The following SLC44A1 variants were observed in gnomAD, a reference collection of about 807,000 sequenced individuals.
SLC44A1 encodes the protein solute carrier family 44 member 1.
Under a neutral mutation model 79.3 loss-of-function variants are expected in SLC44A1, and 26 were observed. The ratio of observed to expected loss-of-function variants is 0.33; its 90% confidence interval spans 0.24 to 0.46. SLC44A1 has a LOEUF of 0.46. Among genes scored for constraint, SLC44A1 ranks in the 20% least tolerant of loss-of-function variants. The probability of loss-of-function intolerance (pLI) is 1.00; values close to 1 mark genes in which losing one functional copy is unlikely to be tolerated. For missense variants in SLC44A1, 688 were observed against 798.1 expected, an observed-to-expected ratio of 0.86 and a Z score of 1.66; for synonymous variants, 263 against 286.2, an observed-to-expected ratio of 0.92 and a Z score of 0.82.
At chr9:105,350,812 A>G (rs1827382034) in intron 5 of SLC44A1, among the ~76,000 whole-genome samples, 1 of 152,214 alleles carries the variant, frequency 6.6e-6, no homozygotes, top group Non-Finnish European at 1.5e-5. Flanking sequence ...GTATTTCTTT[A>G]AACTTCTAGA....
rs1366983820 is a variant in SLC44A1 at position 105,244,739 on chromosome 9, A to AGCC, written c.-117_-115dup. On this transcript the variant is annotated 5_prime_UTR_variant, in exon 1 of 16. Coordinates refer to ENST00000374720, the MANE Select transcript of SLC44A1 (RefSeq NM_080546.5). ...CCTCTTGAGTACCAGCCGCCGCTGC[A>AGCC]GCCGCCGCCGCCGCCTAGCCGTGCG... The AGCC allele has an allele frequency of 1.0e-5, 4 of 398,338 alleles. No individual in the cohort carries two copies. The highest frequency in any genetic ancestry group is 4.3e-5 in the African/African-American group (2 of 46,134). 24.7% of individuals were successfully genotyped at this position (398,338 alleles called of 1,614,324 possible).
chr9:105,386,344 T>C lies in SLC44A1; in HGVS notation c.1950+842T>C. 3.2e-6 allele frequency: 3 copies of C among 942,464 alleles called. No individual in the cohort carries two copies. The East Asian group carries it at 3.5e-4, about 109-fold the overall frequency. 58.4% of individuals were successfully genotyped at this position (942,464 alleles called of 1,614,324 possible). On this transcript the variant is annotated intron_variant, in intron 15 of 15. Coordinates refer to ENST00000374720, the MANE Select transcript of SLC44A1 (RefSeq NM_080546.5). ...CGTATTTTTTTAAATAGCATGTTTATTTTCAAATATTATATAATTGTCTGC... is the reference window on the plus strand; with the variant it reads ...CGTATTTTTTTAAATAGCATGTTTACTTTCAAATATTATATAATTGTCTGC...
intron 8 of SLC44A1, among the ~76,000 whole-genome samples, chr9:105,362,216 C>T (rs1827804974): frequency 6.6e-6 from 1 of 152,136 alleles, no homozygotes; most frequent in Non-Finnish European, 1.5e-5. Context: ...CAGTCTACTT[C>T]TAAGAGCAAT....
intron 1 of SLC44A1, among the ~76,000 whole-genome samples, 197 bp from the exon 2 acceptor site, chr9:105,299,023 G>A (rs1274601104): frequency 1.3e-5 from 2 of 152,136 alleles, no homozygotes; most frequent in Non-Finnish European, 2.9e-5. Flanking sequence ...GGTGGGAGTA[G>A]GGCCAGTGGA....
At chr9:105,383,086 A>G in intron 13 of SLC44A1, 37 bp from the exon 14 acceptor site, 1 of 1,434,382 alleles carries the variant, frequency 7.0e-7, no homozygotes, top group African/African-American at 1.4e-5. Flanking sequence ...TTTCTTCAGT[A>G]GGATATTAAA....
chr9:105,378,367 C>T (rs1828359668), intron 13 of SLC44A1, among the ~76,000 whole-genome samples: 1 of 152,228 alleles, frequency 6.6e-6, no homozygotes, highest in Admixed American at 6.5e-5. Context: ...GGTTATACAA[C>T]TGTTGTGTCA....
chr9:105,370,139 A>G (rs986474809), intron 12 of SLC44A1, among the ~76,000 whole-genome samples: 4 of 152,268 alleles, frequency 2.6e-5, no homozygotes, highest in Non-Finnish European at 4.4e-5. Flanking sequence ...AAGAAGTCTG[A>G]AGAAAGCTCA....
chr9:105,305,190 A>G (rs10991614), intron 2 of SLC44A1, among the ~76,000 whole-genome samples: 32,653 of 150,986 alleles, frequency 0.22, 6,289 homozygotes, highest in African/African-American at 0.52. Flanking sequence ...AGCTGGTCTC[A>G]AACTCCTGGC....
Position 105,396,139 on chromosome 9 carries a change from TAC to T in SLC44A1, c.*7084_*7085del. 2.0e-6 allele frequency: 2 copies of T among 985,414 alleles called. No homozygotes were observed. Among genetic ancestry groups the T allele is most frequent in the Non-Finnish European group, 1.2e-6 (1 of 829,914 alleles). The allele number at this position is 985,414 out of a possible 1,614,324, so 61.0% of individuals were successfully genotyped here. A position where few individuals can be genotyped will look rare whatever the true frequency, so the allele number is the denominator to read the frequency against. On this transcript the variant is annotated 3_prime_UTR_variant, in exon 16 of 16. Transcript: ENST00000374720. Reference sequence around the variant, plus strand: ...TTCTTCTGCTGTGTTGCCTTAATGCTACTAGATTGTGTTGTGTTGTTGGAGTT... The same window carrying T: ...TTCTTCTGCTGTGTTGCCTTAATGCTTAGATTGTGTTGTGTTGTTGGAGTT...
intron 2 of SLC44A1, among the ~76,000 whole-genome samples, chr9:105,305,361 A>T (rs1301458571): frequency 1.3e-5 from 2 of 151,990 alleles, no homozygotes; most frequent in Non-Finnish European, 2.9e-5. Context: ...ACAGATTGAT[A>T]CAAGTTTATA....
chr9:105,419,717 C>G (rs535028693), intron 15 of SLC44A1, among the ~76,000 whole-genome samples: 1 of 152,114 alleles, frequency 6.6e-6, no homozygotes, highest in Non-Finnish European at 1.5e-5. Context: ...GAGTTCGAGA[C>G]CAGCCTGACC....
chr9:105,402,904 A>G (rs1242230815), intron 15 of SLC44A1, among the ~76,000 whole-genome samples: 2 of 150,644 alleles, frequency 1.3e-5, no homozygotes, highest in Admixed American at 6.6e-5. Flanking sequence ...CTCAAACTCC[A>G]TAGCTCAAGC....
chr9:105,307,005 A>G (rs533670089), intron 2 of SLC44A1, among the ~76,000 whole-genome samples: 43 of 152,186 alleles, frequency 2.8e-4, no homozygotes, highest in Non-Finnish European at 1.3e-4. Context: ...TTGTTCTAAA[A>G]TAGAGAACCA....
intron 1 of SLC44A1, among the ~76,000 whole-genome samples, chr9:105,274,839 G>C (rs150871960): frequency 6.6e-6 from 1 of 152,214 alleles, no homozygotes; most frequent in African/African-American, 2.4e-5. Flanking sequence ...TGATTTGCCT[G>C]TGTCATGTAG....
chr9:105,305,842 C>CTT (rs1564426808), intron 2 of SLC44A1, among the ~76,000 whole-genome samples: 2 of 134,382 alleles, frequency 1.5e-5, no homozygotes, highest in Admixed American at 7.4e-5. Context: ...AAAAGTGTGT[C>CTT]CTTTTTTTTT....
At chr9:105,348,231 A>C in intron 4 of SLC44A1, 127 bp from the exon 5 acceptor site, 1 of 566,868 alleles carries the variant, frequency 1.8e-6, no homozygotes. Flanking sequence ...ATATGGATCA[A>C]ATCAGATTTT....
At chr9:105,286,900 G>T (rs562250957) in intron 1 of SLC44A1, among the ~76,000 whole-genome samples, 1 of 152,180 alleles carries the variant, frequency 6.6e-6, no homozygotes, top group South Asian at 2.1e-4. Flanking sequence ...GAAGTTTGAG[G>T]CTGCAGTGAG....
rs1308904797 is a variant in SLC44A1, at chr9:105,386,945, A to T, written c.1950+1443A>T. 2.1e-5 allele frequency among the ~76,000 whole-genome samples: 3 copies of T among 146,066 alleles called. No individual in the cohort carries two copies. In the East Asian group the frequency reaches 6.0e-4, roughly 29 times the overall value. ...TCCGAGTTACTTGGGAGGCTGAAGC[A>T]GGAGAATTGCTTGAACCTGGGAGGC... is the stretch of plus-strand genomic sequence containing the variant. On this transcript the variant is annotated intron_variant, in intron 15 of 15. Transcript: ENST00000374720.
chr9:105,417,839 CAAAAAAAAA>C (rs146589405), intron 15 of SLC44A1, among the ~76,000 whole-genome samples: 10 of 57,944 alleles, frequency 1.7e-4, no homozygotes, highest in East Asian at 1.6e-3. Flanking sequence ...CTCATCCCTA[CAAAAAAAAA>C]AAAAAAAAAA....
Sources: gnomAD v4.1 joint callset for allele counts (sites outside exome capture counted in the v4.1 genomes callset) on GRCh38, gnomAD v4.1.1 for gene constraint, MANE v1.5 for transcripts, NCBI Gene and HGNC (gene_info 2026-07-23, HGNC 2026-07-21) for gene names.